Variants in ADAMTS9 observed in about 807,000 individuals in gnomAD.
ADAMTS9 encodes the protein A disintegrin and metalloproteinase with thrombospondin motifs 9.
ADAMTS9 carries 107 observed loss-of-function variants against 257.1 expected under a neutral mutation model. The ratio of observed to expected loss-of-function variants is 0.42; its 90% confidence interval spans 0.36 to 0.49. The LOEUF (loss-of-function observed/expected upper bound fraction) is 0.49. Among genes scored for constraint, ADAMTS9 ranks in the 20% least tolerant of loss-of-function variants. The probability of loss-of-function intolerance (pLI) is 0.03; values close to 1 mark genes in which losing one functional copy is unlikely to be tolerated. For synonymous variants in ADAMTS9, 982 were observed against 880.9 expected (o/e 1.11, Z -2.03); for missense variants, 2,353 against 2,469.1 (o/e 0.95, Z 1.00).
chr3:64,658,627 G>T lies in ADAMTS9; in HGVS notation c.844C>A (p.His282Asn). Reference sequence around the variant, plus strand: ...GATAAAAAACGTTTTGTCCTTCTGTGGGTCCTCTTTTCTCTTGTGTTGTCC... The same window carrying T: ...GATAAAAAACGTTTTGTCCTTCTGTTGGTCCTCTTTTCTCTTGTGTTGTCC... ...KTDNTREKRT[H>N]RRTKRFLSYP... The change falls in exon 4 of 40, where the codon CAC becomes AAC. Residue 282 changes from histidine to asparagine, a missense_variant. Around this residue, in one of 3 missense-constraint regions of ADAMTS9, gnomAD observed 591 missense variants for 569.6 expected, o/e 1.04. Coordinates refer to ENST00000498707, the MANE Select transcript of ADAMTS9 (RefSeq NM_182920.2). 1 of 1,613,882 alleles carries T rather than the reference G, an allele frequency of 6.2e-7. No homozygotes were observed. Among genetic ancestry groups the T allele is most frequent in the Non-Finnish European group, 8.5e-7 (1 of 1,179,966 alleles).
At chr3:64,664,499 C>T (rs1576174931) in intron 3 of ADAMTS9, among the ~76,000 whole-genome samples, 1 of 152,154 alleles carries the variant, frequency 6.6e-6, no homozygotes, top group East Asian at 1.9e-4. Flanking sequence ...TTTGCCTATT[C>T]TGACATGTCA....
chr3:64,580,494 C>G (rs757542108), intron 28 of ADAMTS9, among the ~76,000 whole-genome samples: 1 of 152,136 alleles, frequency 6.6e-6, no homozygotes, highest in Non-Finnish European at 1.5e-5. Context: ...AGGATCAGGC[C>G]GTGTCCAGAA....
At chr3:64,558,594 G>T (rs565775778) in intron 30 of ADAMTS9, among the ~76,000 whole-genome samples, 1 of 152,228 alleles carries the variant, frequency 6.6e-6, no homozygotes, top group African/African-American at 2.4e-5. Context: ...CATGGTGAGG[G>T]TGCAGAAACT....
chr3:64,629,534 T>C (rs951367113), intron 16 of ADAMTS9, among the ~76,000 whole-genome samples: 1 of 152,228 alleles, frequency 6.6e-6, no homozygotes, highest in African/African-American at 2.4e-5. Context: ...TAGCTTATTA[T>C]CTTGCTCTAT....
At chr3:64,593,082 T>G (rs1397920431) in intron 28 of ADAMTS9, among the ~76,000 whole-genome samples, 1 of 152,158 alleles carries the variant, frequency 6.6e-6, no homozygotes, top group Admixed American at 6.6e-5. Flanking sequence ...ACCAGAGCTC[T>G]CTGACCCAGA....
chr3:64,641,682 T>G (rs971164717), intron 12 of ADAMTS9, among the ~76,000 whole-genome samples, 166 bp downstream of exon 12: 1 of 151,948 alleles, frequency 6.6e-6, no homozygotes, highest in African/African-American at 2.4e-5. Flanking sequence ...CAGGGGGAAG[T>G]GCCTGGGAAT....
intron 14 of ADAMTS9, among the ~76,000 whole-genome samples, chr3:64,633,078 T>G (rs193101913): frequency 2.0e-5 from 3 of 152,314 alleles, no homozygotes; most frequent in Admixed American, 1.3e-4. Context: ...AGGCCAGCTC[T>G]TCTTCCTGAC....
At chr3:64,654,037 A>G (rs551828647) in intron 8 of ADAMTS9, among the ~76,000 whole-genome samples, 2 of 152,308 alleles carry the variant, frequency 1.3e-5, no homozygotes, top group East Asian at 3.9e-4. Flanking sequence ...CCTCTGCTTC[A>G]GTAGAAGGAA....
At chr3:64,673,565 T>C (rs1487367916) in intron 3 of ADAMTS9, among the ~76,000 whole-genome samples, 1 of 152,202 alleles carries the variant, frequency 6.6e-6, no homozygotes, top group African/African-American at 2.4e-5. Flanking sequence ...TTGCAATGTG[T>C]GGACTTTGTT....
At chr3:64,667,351 C>T (rs903426520) in intron 3 of ADAMTS9, among the ~76,000 whole-genome samples, 2 of 152,186 alleles carry the variant, frequency 1.3e-5, no homozygotes, top group Non-Finnish European at 2.9e-5. Context: ...TGTGCTGAGT[C>T]GCATGATTGC....
chr3:64,644,845 A>G (rs555301940), intron 11 of ADAMTS9, among the ~76,000 whole-genome samples: 1 of 152,366 alleles, frequency 6.6e-6, no homozygotes, highest in East Asian at 1.9e-4. Context: ...ACATTGGAAC[A>G]AAACAAGGGG....
At chr3:64,602,337 A>C in intron 25 of ADAMTS9, 124 bp from the exon 26 acceptor site, 1 of 1,073,154 alleles carries the variant, frequency 9.3e-7, no homozygotes, top group Non-Finnish European at 1.4e-6. Context: ...AAACCTTGGA[A>C]TCACCCTTGT....
intron 21 of ADAMTS9, chr3:64,614,973 A>G (rs2084734314): frequency 5.5e-6 from 1 of 180,820 alleles, no homozygotes; most frequent in Non-Finnish European, 1.1e-5. Flanking sequence ...TTCAGATGTG[A>G]GCTAGTATAG....
intron 39 of ADAMTS9, among the ~76,000 whole-genome samples, chr3:64,520,021 A>G (rs923034088): frequency 6.6e-6 from 1 of 152,188 alleles, no homozygotes; most frequent in African/African-American, 2.4e-5. Flanking sequence ...TTCACTGACA[A>G]TATGATTCTA....
At chr3:64,612,944 C>G (rs574854527) in intron 22 of ADAMTS9, among the ~76,000 whole-genome samples, 2 of 152,232 alleles carry the variant, frequency 1.3e-5, no homozygotes, top group South Asian at 4.1e-4. Flanking sequence ...CATTGGGAGC[C>G]AAAATATCTT....
chr3:64,547,859 T>C (rs2083222950), intron 31 of ADAMTS9, among the ~76,000 whole-genome samples: 1 of 145,930 alleles, frequency 6.9e-6, no homozygotes, highest in Admixed American at 6.7e-5. Context: ...TTAGCTAAGT[T>C]TTTTTTTTTA....
At chr3:64,637,523 C>A (rs1158700315) in intron 12 of ADAMTS9, among the ~76,000 whole-genome samples, 1 of 152,154 alleles carries the variant, frequency 6.6e-6, no homozygotes, top group East Asian at 1.9e-4. Flanking sequence ...TGATGCATGA[C>A]CAAAGCTATA....
At chr3:64,668,578 G>C (rs1297846568) in intron 3 of ADAMTS9, among the ~76,000 whole-genome samples, 10 of 152,170 alleles carry the variant, frequency 6.6e-5, no homozygotes, top group Non-Finnish European at 1.3e-4. Flanking sequence ...GATAGTTCAT[G>C]CCTAATAGGG....
intron 26 of ADAMTS9, among the ~76,000 whole-genome samples, chr3:64,599,991 C>A (rs979065121): frequency 6.6e-5 from 10 of 151,754 alleles, no homozygotes; most frequent in Non-Finnish European, 8.8e-5. Context: ...GGTCCCTGTC[C>A]CTACTGCGGC....
Sources: gnomAD v4.1 joint callset for allele counts (sites outside exome capture counted in the v4.1 genomes callset) on GRCh38, gnomAD v4.1.1 for gene constraint, gnomAD v4.1.1 regional missense constraint, MANE v1.5 for transcripts, NCBI Gene and HGNC (gene_info 2026-07-23, HGNC 2026-07-21) for gene names.